EFCAB6: variants seen among roughly 807,000 people sequenced by gnomAD.
EFCAB6 encodes EF-hand calcium binding domain 6.
EFCAB6 carries 156 observed loss-of-function variants against 169.8 expected under a neutral mutation model. The ratio of observed to expected loss-of-function variants is 0.92; its 90% CI spans 0.81 to 1.05. The LOEUF is 1.05. Ranked by LOEUF, EFCAB6 falls within the 50% of genes least tolerant of loss-of-function variation. The pLI, the probability that EFCAB6 is intolerant of heterozygous loss-of-function variation, is 0.00. For missense variants in EFCAB6, 1,800 were observed against 1,829.1 expected (o/e 0.98, Z 0.29); for synonymous variants, 698 against 676.4 (o/e 1.03, Z -0.50).
intron 13 of EFCAB6, among the ~76,000 whole-genome samples, chr22:43,673,994 G>A (rs1741110806): frequency 6.6e-6 from 1 of 151,104 alleles, no homozygotes. Flanking sequence ...GTCATTGTAT[G>A]GTCTTGCTTT....
At chr22:43,645,411 G>A (rs2056093047) in intron 17 of EFCAB6, among the ~76,000 whole-genome samples, 1 of 152,144 alleles carries the variant, frequency 6.6e-6, no homozygotes, top group Admixed American at 6.5e-5. Context: ...CATGTGAGAG[G>A]GTGTCCAGTT....
chr22:43,669,665 A>C (rs2057403661), intron 15 of EFCAB6, among the ~76,000 whole-genome samples: 2 of 152,186 alleles, frequency 1.3e-5, no homozygotes, highest in Admixed American at 1.3e-4. Flanking sequence ...GGTTTTATGG[A>C]TATTGACATA....
intron 27 of EFCAB6, among the ~76,000 whole-genome samples, chr22:43,547,505 C>T (rs978519580): frequency 6.6e-5 from 10 of 151,816 alleles, no homozygotes; most frequent in South Asian, 6.2e-4. Context: ...TTTGGGAGTC[C>T]GAGGCAGGTG....
intron 2 of EFCAB6, among the ~76,000 whole-genome samples, chr22:43,785,826 T>C (rs1056802617): frequency 2.1e-4 from 32 of 152,080 alleles, no homozygotes; most frequent in African/African-American, 7.0e-4. Flanking sequence ...CCACTAACCT[T>C]ACAGAAATAA....
chr22:43,742,535 A>G (rs1211088352), intron 6 of EFCAB6, among the ~76,000 whole-genome samples: 2 of 152,232 alleles, frequency 1.3e-5, no homozygotes, highest in Non-Finnish European at 2.9e-5. Flanking sequence ...AAGATTTTAA[A>G]AGGAAACCAA....
chr22:43,594,679 A>G (rs1422122520), intron 23 of EFCAB6, among the ~76,000 whole-genome samples: 2 of 152,258 alleles, frequency 1.3e-5, no homozygotes, highest in African/African-American at 2.4e-5. Context: ...ATTGCAATAC[A>G]GTAATAGTAG....
rs144365066 is a variant in EFCAB6 at position 43,635,876 on chromosome 22, G to A, written c.1984-660C>T. ...GCAAATACTGAAGTGGAATCGTCTC[G>A]ATGACATCTCCCTAGGAATTACAGA... On this transcript the variant is annotated intron_variant, in intron 17 of 31. Coordinates refer to ENST00000262726, the MANE Select transcript of EFCAB6 (RefSeq NM_022785.4). Among the ~76,000 whole-genome samples the A allele has an allele frequency of 6.6e-4, 101 of 152,264 alleles. 1 individual carries two copies. The highest frequency in any genetic ancestry group is 2.4e-3 in the African/African-American group (99 of 41,552).
At chr22:43,615,965 T>C in intron 20 of EFCAB6, 43 bp from the exon 21 acceptor site, 3 of 1,529,010 alleles carry the variant, frequency 2.0e-6, no homozygotes, top group Non-Finnish European at 2.7e-6. Flanking sequence ...TTAAATTTAA[T>C]GGGCTCATTA....
chr22:43,540,297 A>G lies in EFCAB6; in HGVS notation c.3709T>C (p.Phe1237Leu). 6.2e-7 allele frequency: 1 copy of G among 1,614,226 alleles called. No homozygotes were observed. The highest frequency in any genetic ancestry group is 1.1e-5 in the South Asian group (1 of 91,090). ...GTCTCGGAACTGAACCTGCTCAGGA[A>G]GTCCGGGTATTTCAGCCTCCCCTTG... ...NAKGRLKYPD[F>L]LSRFSSETAA... Residue 1237 changes from phenylalanine to leucine, a missense_variant, in exon 28 of 32, where the codon TTC becomes CTC. Phe to Leu is a conservative substitution (Grantham distance 22). Transcript: ENST00000262726.
At chr22:43,651,109 C>T (rs1200460017) in intron 17 of EFCAB6, among the ~76,000 whole-genome samples, 2 of 152,182 alleles carry the variant, frequency 1.3e-5, no homozygotes, top group Non-Finnish European at 2.9e-5. Context: ...TATTAATCCC[C>T]AAGACAATGG....
At chr22:43,695,828 T>C (rs942240276) in intron 10 of EFCAB6, among the ~76,000 whole-genome samples, 1 of 152,012 alleles carries the variant, frequency 6.6e-6, no homozygotes, top group Non-Finnish European at 1.5e-5. Context: ...AAACTAGAAA[T>C]GAATCCAAAT....
intron 27 of EFCAB6, among the ~76,000 whole-genome samples, chr22:43,543,853 C>T (rs143558953): frequency 0.011 from 1,745 of 152,184 alleles, 19 homozygotes; most frequent in Non-Finnish European, 0.017. Context: ...GAAGACCCTC[C>T]GGCAGCCCCA....
chr22:43,692,801 G>A (rs564953177), intron 10 of EFCAB6, among the ~76,000 whole-genome samples: 4 of 151,920 alleles, frequency 2.6e-5, no homozygotes, highest in African/African-American at 9.6e-5. Flanking sequence ...AGAGGAGAGA[G>A]AATGGGACAG....
intron 17 of EFCAB6, among the ~76,000 whole-genome samples, chr22:43,638,067 G>C (rs2055545643): frequency 6.6e-6 from 1 of 152,060 alleles, no homozygotes; most frequent in African/African-American, 2.4e-5. Context: ...AATCCCCAGG[G>C]GCACGGAGCA....
At chr22:43,773,853 A>T (rs2061555150) in intron 3 of EFCAB6, among the ~76,000 whole-genome samples, 1 of 152,226 alleles carries the variant, frequency 6.6e-6, no homozygotes, top group Admixed American at 6.5e-5. Flanking sequence ...GTCTCAGAAA[A>T]AAAAGAAAAA....
chr22:43,607,113 A>G (rs1317247951), intron 22 of EFCAB6, among the ~76,000 whole-genome samples: 2 of 152,150 alleles, frequency 1.3e-5, no homozygotes, highest in African/African-American at 4.8e-5. Context: ...CTGGTCAATA[A>G]CACCAGAAAG....
chr22:43,590,730 A>G (rs1046853428), intron 23 of EFCAB6, among the ~76,000 whole-genome samples: 7 of 144,522 alleles, frequency 4.8e-5, no homozygotes, highest in African/African-American at 1.8e-4. Flanking sequence ...GTGGGACAGT[A>G]GGTTTGAAGG....
At chr22:43,700,580 A>T (rs1229794188) in intron 10 of EFCAB6, among the ~76,000 whole-genome samples, 1 of 152,246 alleles carries the variant, frequency 6.6e-6, no homozygotes, top group Non-Finnish European at 1.5e-5. Context: ...CTCGGGAGAC[A>T]GAATGACAGA....
Position 43,709,571 on chromosome 22 carries a change from T to G in EFCAB6, c.1031+1904A>C, listed in dbSNP as rs182885661. 7.6e-4 allele frequency among the ~76,000 whole-genome samples: 116 copies of G among 152,334 alleles called. 1 individual carries two copies. Among genetic ancestry groups the G allele is most frequent in the Non-Finnish European group, 8.7e-4 (59 of 68,032 alleles). On this transcript the variant is annotated intron_variant, in intron 10 of 31. Coordinates refer to ENST00000262726, the MANE Select transcript of EFCAB6 (RefSeq NM_022785.4). ...ACATAAAACTGTGATGCACTCTGATTACAAATATGTAAAGATTATATTTGT... is the reference window on the plus strand; with the variant it reads ...ACATAAAACTGTGATGCACTCTGATGACAAATATGTAAAGATTATATTTGT...
Sources: gnomAD v4.1 joint callset for allele counts (sites outside exome capture counted in the v4.1 genomes callset) on GRCh38, gnomAD v4.1.1 for gene constraint, MANE v1.5 for transcripts, NCBI Gene and HGNC (gene_info 2026-07-23, HGNC 2026-07-21) for gene names.